KCNMA1: variants seen among roughly 807,000 people sequenced by gnomAD.
The protein encoded by KCNMA1 is potassium calcium-activated channel subfamily M alpha 1, also known as Calcium-activated potassium channel subunit alpha-1.
In KCNMA1, 29 loss-of-function variants were observed where a neutral mutation model predicts 140.0. The observed-to-expected ratio is 0.21, with a 90% CI of 0.15 to 0.28. KCNMA1 has a LOEUF of 0.28. Ranked by LOEUF, KCNMA1 falls within the 10% of genes least tolerant of loss-of-function variation. The pLI is 1.00. For missense variants in KCNMA1, 880 were observed against 1,602.2 expected (o/e 0.55, Z 7.70); for synonymous variants, 612 against 611.9 (o/e 1.00, Z 0.00).
intron 2 of KCNMA1, among the ~76,000 whole-genome samples, chr10:77,290,948 G>C (rs637847): frequency 0.47 from 71,298 of 152,002 alleles, 18,060 homozygotes; most frequent in Non-Finnish European, 0.57. Flanking sequence ...AGAAGGCTCG[G>C]AGATTTGATA....
chr10:77,068,966 G>A (rs955983645), intron 14 of KCNMA1, among the ~76,000 whole-genome samples: 1 of 151,570 alleles, frequency 6.6e-6, no homozygotes, highest in Admixed American at 6.6e-5. Flanking sequence ...AAGATGGCAG[G>A]CCATGCCCCA....
intron 1 of KCNMA1, among the ~76,000 whole-genome samples, chr10:77,481,994 T>C (rs2098403935): frequency 6.6e-6 from 1 of 152,238 alleles, no homozygotes; most frequent in Non-Finnish European, 1.5e-5. Flanking sequence ...GCCAGATCCC[T>C]GGCACAAAGT....
intron 16 of KCNMA1, among the ~76,000 whole-genome samples, chr10:77,021,827 C>T (rs1286756402): frequency 6.6e-6 from 1 of 152,130 alleles, no homozygotes; most frequent in Non-Finnish European, 1.5e-5. Context: ...GGGTGGGAAT[C>T]TAAAGAATGG....
chr10:77,379,270 A>T (rs765970992), intron 2 of KCNMA1, among the ~76,000 whole-genome samples: 20 of 152,214 alleles, frequency 1.3e-4, no homozygotes, highest in Non-Finnish European at 1.9e-4. Context: ...AATACAAATA[A>T]AGTAAAAAAG....
At position 77,208,374 on chromosome 10, in the gene KCNMA1, C is replaced by T. The variant is rs114390378; in HGVS notation, c.603-23458G>A. 4.9e-3 allele frequency among the ~76,000 whole-genome samples: 746 copies of T among 152,240 alleles called. 5 individuals are homozygous for T. The highest frequency in any genetic ancestry group is 0.017 in the African/African-American group (702 of 41,552). On this transcript the variant is annotated intron_variant, in intron 3 of 27. Coordinates refer to ENST00000286628, the MANE Select transcript of KCNMA1 (RefSeq NM_001161352.2). ...GCATGGTGGCACATGCTTATAATCC[C>T]GGCTCCTTGGAGGCTGAGGCGGGAC...
Position 77,098,842 on chromosome 10 carries a change from G to T in KCNMA1, c.1224-8332C>A, listed in dbSNP as rs144739977. Among the ~76,000 whole-genome samples, 566 of 152,022 alleles carry T rather than the reference G, an allele frequency of 3.7e-3. 5 individuals carry two copies. The highest frequency in any genetic ancestry group is 0.013 in the African/African-American group (541 of 41,452). On this transcript the variant is annotated intron_variant, in intron 9 of 27. Transcript: ENST00000286628. ...CACAGTTGCTGAACCCTCACAAACT[G>T]CACTGATTCCTCCTATGCCTCCCTC...
chr10:77,145,370 G>A (rs2574805), intron 5 of KCNMA1, among the ~76,000 whole-genome samples: 18,796 of 152,200 alleles, frequency 0.12, 2,743 homozygotes, highest in East Asian at 0.73. Context: ...CTATGCAAAC[G>A]TATGCACACA....
Position 77,169,508 on chromosome 10 carries a change from GCCT to G in KCNMA1, c.808+13910_808+13912del, listed in dbSNP as rs1372259976. 9.9e-5 allele frequency among the ~76,000 whole-genome samples: 15 copies of G among 152,050 alleles called. No individual in the cohort carries two copies. In the East Asian group the frequency reaches 2.9e-3, roughly 29 times the overall value. On this transcript the variant is annotated intron_variant, in intron 5 of 27. Transcript: ENST00000286628. ...AGGCTCAAGCAATCCTCCCACCTCAGCCTCCTGAGTAGCTGGGACCACAGGTAT... is the reference window on the plus strand; with the variant it reads ...AGGCTCAAGCAATCCTCCCACCTCAGCCTGAGTAGCTGGGACCACAGGTAT...
At position 77,086,600 on chromosome 10, in the gene KCNMA1, A is replaced by G; in HGVS notation, c.1335-7T>C. On this transcript the variant is annotated splice_region_variant and splice_polypyrimidine_tract_variant and intron_variant, in intron 10 of 27. Coordinates refer to ENST00000286628, the MANE Select transcript of KCNMA1 (RefSeq NM_001161352.2). ...CTCCAGGTTGGGGGAGATGCTACAC[A>G]GGGAGAGAAGAAATCGCTATTAATT... 6.3e-7 allele frequency: 1 copy of G among 1,595,586 alleles called. No homozygotes were observed. Among genetic ancestry groups the G allele is most frequent in the South Asian group, 1.1e-5 (1 of 90,698 alleles).
At chr10:77,275,499 A>T (rs866755016) in intron 2 of KCNMA1, among the ~76,000 whole-genome samples, 4 of 152,336 alleles carry the variant, frequency 2.6e-5, no homozygotes, top group Middle Eastern at 6.8e-3. Flanking sequence ...TGACTTGTCC[A>T]ACGCCCTATT....
intron 13 of KCNMA1, among the ~76,000 whole-genome samples, chr10:77,073,670 C>G (rs1431139039): frequency 2.6e-5 from 4 of 152,162 alleles, no homozygotes; most frequent in East Asian, 3.8e-4. Context: ...CAGTGACTCC[C>G]AGGCATCAGG....
At chr10:77,387,593 T>C (rs900834128) in intron 2 of KCNMA1, among the ~76,000 whole-genome samples, 149 of 150,754 alleles carry the variant, frequency 9.9e-4, no homozygotes, top group Non-Finnish European at 1.8e-3. Context: ...TTCTCTTTTC[T>C]TTTCTTTTCT....
chr10:77,582,594 C>A (rs138585010), intron 1 of KCNMA1, among the ~76,000 whole-genome samples: 1 of 152,310 alleles, frequency 6.6e-6, no homozygotes, highest in African/African-American at 2.4e-5. Context: ...AAAAAATGTT[C>A]ATTCCCCCGG....
At chr10:77,168,003 C>A (rs1262995246) in intron 5 of KCNMA1, among the ~76,000 whole-genome samples, 1 of 152,158 alleles carries the variant, frequency 6.6e-6, no homozygotes, top group Non-Finnish European at 1.5e-5. Context: ...CTTTCAGGGT[C>A]ACTTGCTTCA....
intron 13 of KCNMA1, among the ~76,000 whole-genome samples, chr10:77,073,650 T>C (rs1400232499): frequency 6.6e-6 from 1 of 152,168 alleles, no homozygotes; most frequent in African/African-American, 2.4e-5. Flanking sequence ...GCCTTTCCAA[T>C]ACTCCAGATC....
At chr10:76,971,396 A>G (rs1168398553) in intron 19 of KCNMA1, among the ~76,000 whole-genome samples, 2 of 152,172 alleles carry the variant, frequency 1.3e-5, no homozygotes, top group Non-Finnish European at 2.9e-5. Context: ...TGAAAACGCT[A>G]AATAAATTTA....
chr10:77,206,424 A>C (rs758946912), intron 3 of KCNMA1, among the ~76,000 whole-genome samples: 3 of 152,186 alleles, frequency 2.0e-5, no homozygotes, highest in Non-Finnish European at 4.4e-5. Flanking sequence ...GGGCTTAGAC[A>C]GTCACTGGCA....
At chr10:77,608,231 G>A (rs555385810) in intron 1 of KCNMA1, among the ~76,000 whole-genome samples, 12 of 152,216 alleles carry the variant, frequency 7.9e-5, no homozygotes, top group Non-Finnish European at 1.6e-4. Context: ...GGAGTGCAAT[G>A]ATACAATCTT....
chr10:77,506,644 G>GA (rs2046108427), intron 1 of KCNMA1, among the ~76,000 whole-genome samples: 8 of 37,892 alleles, frequency 2.1e-4, no homozygotes, highest in Non-Finnish European at 2.5e-4. Flanking sequence ...AGACAGAGAG[G>GA]GAGAGAGAGA....
Sources: gnomAD v4.1 joint callset for allele counts (sites outside exome capture counted in the v4.1 genomes callset) on GRCh38, gnomAD v4.1.1 for gene constraint, MANE v1.5 for transcripts, NCBI Gene and HGNC (gene_info 2026-07-23, HGNC 2026-07-21) for gene names.